GABRG1: variants seen among roughly 807,000 people sequenced by gnomAD.
GABRG1 encodes the protein gamma-aminobutyric acid type A receptor subunit gamma1, also known as gamma-aminobutyric acid receptor subunit gamma-1.
In GABRG1, 49 loss-of-function variants were observed where a neutral mutation model predicts 49.8. The observed-to-expected ratio is 0.98, with a 90% CI of 0.78 to 1.25. The LOEUF (loss-of-function observed/expected upper bound fraction) is 1.25, where lower values mean the gene tolerates loss of function less well. Among genes scored for constraint, GABRG1 ranks in the 50% most tolerant of loss-of-function variants. GABRG1 has a pLI of 0.00. For synonymous variants in GABRG1, 232 were observed against 185.1 expected (o/e 1.25, Z -2.06); for missense variants, 552 against 552.3 (o/e 1.00, Z 0.01).
chr4:46,076,239 T>C (rs1719320141), intron 3 of GABRG1, among the ~76,000 whole-genome samples: 1 of 151,318 alleles, frequency 6.6e-6, no homozygotes, highest in Admixed American at 6.6e-5. Context: ...TGTATGCATA[T>C]GTACATTTAA....
chr4:46,058,628 G>C lies in GABRG1; in HGVS notation c.626-6C>G. The C allele has an allele frequency of 6.2e-7, 1 of 1,606,944 alleles. No individual in the cohort carries two copies. The highest frequency in any genetic ancestry group is 8.5e-7 in the Non-Finnish European group (1 of 1,175,906). ...TTCATTTTTAGGGTATCCATCTATA[G>C]AGAAAAAATACATAGATTAGCAAGA... On this transcript the variant is annotated splice_region_variant and splice_polypyrimidine_tract_variant and intron_variant, in intron 5 of 8. Transcript: ENST00000295452.
At chr4:46,093,055 G>C (rs1382852548) in intron 2 of GABRG1, among the ~76,000 whole-genome samples, 1 of 113,258 alleles carries the variant, frequency 8.8e-6, no homozygotes, top group Non-Finnish European at 1.8e-5. Flanking sequence ...GGCAACAACA[G>C]CGAAACTCCA....
In GABRG1 at chr4:46,058,637, T is replaced by A; in HGVS notation, c.626-15A>T. ...AGGGTATCCATCTATAGAGAAAAAA[T>A]ACATAGATTAGCAAGATCCAAATTT... On this transcript the variant is annotated splice_polypyrimidine_tract_variant and intron_variant, in intron 5 of 8. Coordinates refer to ENST00000295452, the MANE Select transcript of GABRG1 (RefSeq NM_173536.4). 1 of 1,602,516 alleles carries A rather than the reference T, an allele frequency of 6.2e-7. No individual in the cohort carries two copies. Among genetic ancestry groups the A allele is most frequent in the Non-Finnish European group, 8.5e-7 (1 of 1,172,766 alleles).
intron 1 of GABRG1, among the ~76,000 whole-genome samples, chr4:46,108,016 C>T (rs75937861): frequency 0.011 from 1,624 of 151,104 alleles, 26 homozygotes; most frequent in African/African-American, 0.036. Context: ...AATAGGTTTC[C>T]TAGCACATTC....
Position 46,039,460 on chromosome 4 carries a change from C to T in GABRG1, c.*1528G>A, listed in dbSNP as rs995661341. On this transcript the variant is annotated 3_prime_UTR_variant, in exon 9 of 9. Coordinates refer to ENST00000295452, the MANE Select transcript of GABRG1 (RefSeq NM_173536.4). ...CACTAACCACGCAGCGGAATTATAA[C>T]ATTAAAAACTAGAGTAACAATTGCA... The T allele has an allele frequency of 6.6e-6, 1 of 151,608 alleles. No individual in the cohort carries two copies. The highest frequency in any genetic ancestry group is 1.5e-5 in the Non-Finnish European group (1 of 67,730). 9.4% of individuals were successfully genotyped at this position (151,608 alleles called of 1,614,324 possible).
chr4:46,062,346 G>T (rs1045558719), intron 5 of GABRG1, among the ~76,000 whole-genome samples: 32 of 152,016 alleles, frequency 2.1e-4, no homozygotes, highest in Non-Finnish European at 3.4e-4. Flanking sequence ...ACGTGTGCAT[G>T]TGTCTTTATA....
chr4:46,043,787 G>C (rs1423776217), intron 8 of GABRG1, among the ~76,000 whole-genome samples: 1 of 151,760 alleles, frequency 6.6e-6, no homozygotes, highest in African/African-American at 2.4e-5. Flanking sequence ...ATATAGCTGA[G>C]CTCACTATTT....
intron 1 of GABRG1, among the ~76,000 whole-genome samples, chr4:46,121,630 G>GCATCTTGAAGAAAACAGTGTATGATA (rs60851872): frequency 6.6e-6 from 1 of 151,782 alleles, no homozygotes; most frequent in African/African-American, 2.4e-5. Context: ...AGTATATGAT[G>GCATCTTGAAGAAAACAGTGTATGATA]CATCTTAAAG....
chr4:46,043,604 A>G (rs1292127010), intron 8 of GABRG1, among the ~76,000 whole-genome samples: 1 of 151,996 alleles, frequency 6.6e-6, no homozygotes, highest in Non-Finnish European at 1.5e-5. Flanking sequence ...CAGCTATGCT[A>G]CCCATCTTTT....
intron 8 of GABRG1, among the ~76,000 whole-genome samples, chr4:46,048,461 A>C (rs527866678): frequency 6.6e-6 from 1 of 151,082 alleles, no homozygotes; most frequent in South Asian, 2.1e-4. Flanking sequence ...TGGTGGTGGT[A>C]TCTATATACT....
intron 7 of GABRG1, among the ~76,000 whole-genome samples, chr4:46,056,935 T>C (rs1365575801): frequency 1.3e-5 from 2 of 152,152 alleles, no homozygotes; most frequent in Non-Finnish European, 1.5e-5. Context: ...TTGGCTTTTC[T>C]CTTCATGACA....
chr4:46,109,372 T>C (rs1051612307), intron 1 of GABRG1, among the ~76,000 whole-genome samples: 2 of 151,010 alleles, frequency 1.3e-5, no homozygotes, highest in African/African-American at 4.8e-5. Context: ...AATGTCACCA[T>C]TGCCATTTCT....
intron 3 of GABRG1, among the ~76,000 whole-genome samples, chr4:46,075,012 A>G (rs1719272326): frequency 2.0e-5 from 3 of 151,966 alleles, no homozygotes; most frequent in Admixed American, 2.0e-4. Flanking sequence ...GATCATAATT[A>G]TTATATTTCC....
rs1338517613 is a variant in GABRG1 at position 46,064,631 on chromosome 4, A to T, written c.543-108T>A. The T allele has an allele frequency of 2.9e-5, 14 of 481,320 alleles. No individual in the cohort carries two copies. The South Asian group carries it at 4.7e-4, about 16-fold the overall frequency. The allele number at this position is 481,320 out of a possible 1,614,324, so 29.8% of individuals were successfully genotyped here. A position where few individuals can be genotyped will look rare whatever the true frequency, so the allele number is the denominator to read the frequency against. Reference sequence around the variant, plus strand: ...TTTTGTCATATGATAATAGATTGTGACCTATTAGAATATAATAATGATTCT... The same window carrying T: ...TTTTGTCATATGATAATAGATTGTGTCCTATTAGAATATAATAATGATTCT... On this transcript the variant is annotated intron_variant, in intron 4 of 8. Coordinates refer to ENST00000295452, the MANE Select transcript of GABRG1 (RefSeq NM_173536.4).
rs1717517465 is a variant in GABRG1 at position 46,036,203 on chromosome 4, A to G, written c.*4785T>C. 6.6e-6 allele frequency: 1 copy of G among 151,868 alleles called. No homozygotes were observed. The highest frequency in any genetic ancestry group is 6.6e-5 in the Admixed American group (1 of 15,182). 9.4% of individuals were successfully genotyped at this position (151,868 alleles called of 1,614,324 possible). The stretch of plus-strand genomic sequence containing the variant: ...ACATAAATATTTCAGAAATTGTTTG[A>G]GGAACAGAAATCAACTTTCTGGATT... On this transcript the variant is annotated 3_prime_UTR_variant, in exon 9 of 9. Coordinates refer to ENST00000295452, the MANE Select transcript of GABRG1 (RefSeq NM_173536.4).
intron 1 of GABRG1, among the ~76,000 whole-genome samples, chr4:46,107,339 C>A (rs6821048): frequency 6.6e-6 from 1 of 150,972 alleles, no homozygotes; most frequent in Non-Finnish European, 1.5e-5. Flanking sequence ...TAAGGTAATA[C>A]CTTATAATAA....
At chr4:46,043,175 TAA>T (rs1193147626) in intron 8 of GABRG1, among the ~76,000 whole-genome samples, 2 of 152,028 alleles carry the variant, frequency 1.3e-5, no homozygotes, top group Non-Finnish European at 2.9e-5. Flanking sequence ...GGCATTATCA[TAA>T]ATGGAAATAT....
intron 4 of GABRG1, 65 bp downstream of exon 4, chr4:46,065,299 G>T: frequency 1.8e-6 from 2 of 1,124,756 alleles, no homozygotes; most frequent in Non-Finnish European, 2.5e-6. Flanking sequence ...AAAAAATTAA[G>T]AATTGATTAA....
chr4:46,121,768 A>C (rs1419600148), intron 1 of GABRG1, among the ~76,000 whole-genome samples: 4 of 152,104 alleles, frequency 2.6e-5, no homozygotes, highest in African/African-American at 9.7e-5. Context: ...TAATTAGAAC[A>C]ACAGCTTATA....
Sources: gnomAD v4.1 joint callset for allele counts (sites outside exome capture counted in the v4.1 genomes callset) on GRCh38, gnomAD v4.1.1 for gene constraint, MANE v1.5 for transcripts, NCBI Gene and HGNC (gene_info 2026-07-23, HGNC 2026-07-21) for gene names.